C5orf34: variants seen among roughly 807,000 people sequenced by gnomAD.
The protein encoded by C5orf34 is uncharacterized protein C5orf34.
A neutral mutation model predicts 78.4 loss-of-function variants in C5orf34; 73 were observed. That is an observed-to-expected ratio of 0.93 (90% CI 0.77 to 1.13). The LOEUF is 1.13. Ranked by LOEUF, C5orf34 falls within the 50% of genes most tolerant of loss-of-function variation. The probability of loss-of-function intolerance (pLI) is 0.00; values close to 1 mark genes in which losing one functional copy is unlikely to be tolerated. For missense variants in C5orf34, 730 were observed against 732.7 expected, an observed-to-expected ratio of 1.00 and a Z score of 0.04; for synonymous variants, 251 against 246.6, an observed-to-expected ratio of 1.02 and a Z score of -0.17.
intron 11 of C5orf34, among the ~76,000 whole-genome samples, chr5:43,488,655 T>G (rs1745153045): frequency 6.6e-6 from 1 of 152,070 alleles, no homozygotes; most frequent in Non-Finnish European, 1.5e-5. Flanking sequence ...TGATGAACAT[T>G]AGCTCTTATA....
chr5:43,502,803 G>A (rs1262104825), intron 5 of C5orf34, among the ~76,000 whole-genome samples: 2 of 152,162 alleles, frequency 1.3e-5, no homozygotes, highest in Admixed American at 6.5e-5. Flanking sequence ...GCATATAAGG[G>A]TCACCAAAGC....
In C5orf34 at chr5:43,497,150, T is replaced by A. The variant is rs1052748788; in HGVS notation, c.1153-2549A>T. On this transcript the variant is annotated intron_variant, in intron 6 of 12. Coordinates refer to ENST00000306862, the MANE Select transcript of C5orf34 (RefSeq NM_198566.4). ...ACTGAAATTTGAAAAAAATTGTTAT[T>A]TTAAAATTCTTTCTGAGTTTCCTCC... Among the ~76,000 whole-genome samples the A allele has an allele frequency of 1.1e-4, 13 of 121,694 alleles. No homozygotes were observed. In the South Asian group the frequency reaches 3.9e-3, roughly 37 times the overall value. The allele number at this position is 121,694 out of a possible 152,430, so 79.8% of individuals were successfully genotyped here. A position where few individuals can be genotyped will look rare whatever the true frequency, so the allele number is the denominator to read the frequency against.
intron 6 of C5orf34, among the ~76,000 whole-genome samples, chr5:43,499,388 G>A (rs1745667618): frequency 6.6e-6 from 1 of 152,100 alleles, no homozygotes; most frequent in Non-Finnish European, 1.5e-5. Flanking sequence ...TGGGTCTGGT[G>A]CCCTTTCTTA....
chr5:43,506,164 T>C lies in C5orf34; in HGVS notation c.516A>G (p.Lys172=). 1 of 1,614,192 alleles carries C rather than the reference T, an allele frequency of 6.2e-7. No homozygotes were observed. The highest frequency in any genetic ancestry group is 8.5e-7 in the Non-Finnish European group (1 of 1,180,026). Residue 172 remains lysine, a synonymous_variant, in exon 4 of 13, where the codon AAA becomes AAG. Transcript: ENST00000306862. ...AGATTTTGCCAGTTTTTTCAACTAGTTTATCTTTTGGGGCTTTATTATTTG... is the reference window on the plus strand; with the variant it reads ...AGATTTTGCCAGTTTTTTCAACTAGCTTATCTTTTGGGGCTTTATTATTTG... The part of the protein sequence containing the change: ...SETNNKAPKD[K]LVEKTGKICI...
rs1745496888 is a variant in C5orf34, at chr5:43,495,890, A to T, written c.1153-1289T>A. 4 of 1,593,508 alleles carry T rather than the reference A, an allele frequency of 2.5e-6. No individual in the cohort carries two copies. In the South Asian group the frequency reaches 3.3e-5, roughly 13 times the overall value. ...ACCATTCCAACCAGAAATTGGCACA[A>T]ATGCTACTGTGTCAGGGTTGTAACC... On this transcript the variant is annotated intron_variant, in intron 6 of 12. Transcript: ENST00000306862.
intron 8 of C5orf34, 92 bp downstream of exon 8, chr5:43,493,451 G>A (rs925837478): frequency 5.4e-6 from 4 of 740,102 alleles, no homozygotes; most frequent in Non-Finnish European, 9.1e-6. Flanking sequence ...TTTCTCACAT[G>A]ACTTAGAGGA....
Position 43,493,496 on chromosome 5 carries a change from A to G in C5orf34, c.1314+47T>C, listed in dbSNP as rs761860315. 1.3e-5 allele frequency: 15 copies of G among 1,166,958 alleles called. No individual in the cohort carries two copies. In the South Asian group the frequency reaches 1.8e-4, roughly 14 times the overall value. 72.3% of individuals were successfully genotyped at this position (1,166,958 alleles called of 1,614,324 possible). A position where few individuals can be genotyped will look rare whatever the true frequency, so the allele number is the denominator to read the frequency against. Reference sequence around the variant, plus strand: ...GAACTCAGAAGTATGGATATAAACAATAAAACAATTTAAAAATATCTTGCT... The same window carrying G: ...GAACTCAGAAGTATGGATATAAACAGTAAAACAATTTAAAAATATCTTGCT... On this transcript the variant is annotated intron_variant, in intron 8 of 12. Transcript: ENST00000306862.
At chr5:43,503,583 G>A (rs1002160578) in intron 5 of C5orf34, 82 bp downstream of exon 5, 7 of 913,950 alleles carry the variant, frequency 7.7e-6, no homozygotes, top group Non-Finnish European at 1.3e-5. Flanking sequence ...CTGAGAGTCT[G>A]TCTATAAGGC....
In C5orf34 at chr5:43,514,848, C is replaced by CG. The variant is rs1746418664; in HGVS notation, c.-80dup. The CG allele has an allele frequency of 1.3e-5, 2 of 152,308 alleles. No homozygotes were observed. The allele number at this position is 152,308 out of a possible 1,614,324, so 9.4% of individuals were successfully genotyped here. ...AAGTTGCGGAAATGAGGCCCAGCAA[C>CG]GGTCCCTGGCTTTGATTTGCCAAAA... is the stretch of plus-strand genomic sequence containing the variant. On this transcript the variant is annotated 5_prime_UTR_variant, in exon 1 of 13. Transcript: ENST00000306862.
intron 12 of C5orf34, 29 bp from the exon 13 acceptor site, chr5:43,487,140 C>CCA (rs1216238124): frequency 3.5e-6 from 4 of 1,134,558 alleles, no homozygotes; most frequent in Non-Finnish European, 4.9e-6. Context: ...GAGGTTTTCC[C>CCA]CACATTTTTC....
At chr5:43,513,077 T>C (rs543832322) in intron 1 of C5orf34, among the ~76,000 whole-genome samples, 23 of 152,270 alleles carry the variant, frequency 1.5e-4, no homozygotes, top group African/African-American at 4.6e-4. Flanking sequence ...CCACCGCACC[T>C]GGCCCACCTT....
chr5:43,511,708 G>C (rs1332283165), intron 1 of C5orf34, among the ~76,000 whole-genome samples: 1 of 152,194 alleles, frequency 6.6e-6, no homozygotes, highest in Non-Finnish European at 1.5e-5. Flanking sequence ...GCCTTGGGAT[G>C]CTGTTGATCT....
intron 7 of C5orf34, among the ~76,000 whole-genome samples, chr5:43,494,066 A>C (rs991178217): frequency 1.3e-5 from 2 of 152,194 alleles, no homozygotes; most frequent in African/African-American, 4.8e-5. Context: ...TCTGGGTATC[A>C]TAGATTGAGA....
In C5orf34 at chr5:43,505,742, C is replaced by T. The variant is rs772768844; in HGVS notation, c.932+6G>A. 2 of 1,543,226 alleles carry T rather than the reference C, an allele frequency of 1.3e-6. No homozygotes were observed. Among genetic ancestry groups the T allele is most frequent in the African/African-American group, 1.4e-5 (1 of 72,476 alleles). On this transcript the variant is annotated splice_donor_region_variant and intron_variant, in intron 4 of 12. Coordinates refer to ENST00000306862, the MANE Select transcript of C5orf34 (RefSeq NM_198566.4). ...GCTTCATGACCAATAGCCATTACTGCATTACCTGTGTAGGTGTGGGACTGG... is the reference window on the plus strand; with the variant it reads ...GCTTCATGACCAATAGCCATTACTGTATTACCTGTGTAGGTGTGGGACTGG...
At chr5:43,502,186 A>G (rs1745784506) in intron 6 of C5orf34, among the ~76,000 whole-genome samples, 186 bp downstream of exon 6, 1 of 152,186 alleles carries the variant, frequency 6.6e-6, no homozygotes, top group South Asian at 2.1e-4. Context: ...GCAGGTGAAA[A>G]TACAGTAAAA....
At chr5:43,507,457 A>T (rs1746034998) in intron 3 of C5orf34, among the ~76,000 whole-genome samples, 1 of 152,240 alleles carries the variant, frequency 6.6e-6, no homozygotes, top group Non-Finnish European at 1.5e-5. Flanking sequence ...CCTCTTTTAG[A>T]ATTAGACTAT....
chr5:43,492,729 C>T lies in C5orf34; in HGVS notation c.1476G>A (p.Glu492=). The T allele has an allele frequency of 6.2e-7, 1 of 1,611,590 alleles. No individual in the cohort carries two copies. Among genetic ancestry groups the T allele is most frequent in the Non-Finnish European group, 8.5e-7 (1 of 1,178,812 alleles). The change falls in exon 9 of 13, where the codon GAG becomes GAA. Residue 492 remains glutamate, a synonymous_variant. Transcript: ENST00000306862. ...TCTGAAGTATACCCACCTGTCTCTT[C>T]TCAATAGGAGAGCTGAAATTCCAAT... ...TLNWNFSSPI[E]KRQVNQGLNL...
intron 4 of C5orf34, 155 bp downstream of exon 4, chr5:43,505,593 C>A (rs967397721): frequency 3.0e-6 from 2 of 658,234 alleles, no homozygotes; most frequent in Admixed American, 3.4e-5. Flanking sequence ...ACATAAGCAA[C>A]ACATTTGCTA....
chr5:43,495,466 A>AT (rs1257646530), intron 6 of C5orf34: 1 of 1,609,692 alleles, frequency 6.2e-7, no homozygotes, highest in African/African-American at 1.3e-5. Context: ...TTGGTGGGTC[A>AT]TTTTTGCTGT....
Sources: allele counts gnomAD v4.1 joint callset (sites outside exome capture counted in the v4.1 genomes callset), GRCh38; gene constraint gnomAD v4.1.1; transcripts MANE v1.5; gene names NCBI Gene and HGNC (gene_info 2026-07-23, HGNC 2026-07-21).